NDUFS4: variants seen among roughly 807,000 people sequenced by gnomAD.
The protein encoded by NDUFS4 is NADH dehydrogenase [ubiquinone] iron-sulfur protein 4, mitochondrial.
NDUFS4 carries 28 observed loss-of-function variants against 24.3 expected under a neutral mutation model. That is an observed-to-expected ratio of 1.15 (90% CI 0.85 to 1.58). The LOEUF is 1.58. Among genes scored for constraint, NDUFS4 ranks in the 40% most tolerant of loss-of-function variants. The pLI is 0.00. For missense variants in NDUFS4, 223 were observed against 207.9 expected, an observed-to-expected ratio of 1.07 and a Z score of -0.45; for synonymous variants, 93 against 69.7, an observed-to-expected ratio of 1.34 and a Z score of -1.67.
intron 2 of NDUFS4, among the ~76,000 whole-genome samples, chr5:53,642,673 T>C (rs975476577): frequency 1.1e-4 from 17 of 152,142 alleles, no homozygotes; most frequent in African/African-American, 3.9e-4. Context: ...CATACAGTTT[T>C]AATATGGAAA....
chr5:53,593,396 G>T, intron 1 of NDUFS4, among the ~76,000 whole-genome samples: 1 of 150,302 alleles, frequency 6.7e-6, no homozygotes, highest in Non-Finnish European at 1.5e-5. Flanking sequence ...TTATATATTA[G>T]GGCTTTGTCT....
At chr5:53,621,724 C>T (rs1254110749) in intron 2 of NDUFS4, among the ~76,000 whole-genome samples, 6 of 91,298 alleles carry the variant, frequency 6.6e-5, no homozygotes, top group East Asian at 3.8e-4. Context: ...TTTTTTGAGA[C>T]GGAGTTTCGC....
chr5:53,624,008 C>T (rs552851882), intron 2 of NDUFS4, among the ~76,000 whole-genome samples: 7 of 152,290 alleles, frequency 4.6e-5, no homozygotes, highest in South Asian at 2.1e-4. Flanking sequence ...TGAGCCACCA[C>T]GCCCGGCCCT....
intron 4 of NDUFS4, among the ~76,000 whole-genome samples, chr5:53,668,461 G>A (rs949035546): frequency 5.3e-5 from 8 of 151,448 alleles, no homozygotes; most frequent in African/African-American, 1.7e-4. Flanking sequence ...CTTTTTTTTG[G>A]AGGGGTTCGG....
In NDUFS4 at chr5:53,642,441, T is replaced by G. The variant is rs188248609; in HGVS notation, c.178-3792T>G. Among the ~76,000 whole-genome samples the G allele has an allele frequency of 3.0e-4, 45 of 152,242 alleles. 1 individual carries two copies. Among genetic ancestry groups the G allele is most frequent in the South Asian group, 2.7e-3 (13 of 4,824 alleles). ...GCAGATGACGGACAATGATGAAAAT[T>G]TGATTCTTTGAAGTCATAATAGTCA... is the stretch of plus-strand genomic sequence containing the variant. On this transcript the variant is annotated intron_variant, in intron 2 of 4. Transcript: ENST00000296684.
chr5:53,642,409 T>TCAAC (rs1751731715), intron 2 of NDUFS4, among the ~76,000 whole-genome samples: 1 of 152,074 alleles, frequency 6.6e-6, no homozygotes, highest in Admixed American at 6.6e-5. Context: ...TTTATACAAA[T>TCAAC]CAACCGGCAG....
chr5:53,659,486 A>C (rs2112523146), intron 4 of NDUFS4, among the ~76,000 whole-genome samples: 1 of 152,272 alleles, frequency 6.6e-6, no homozygotes, highest in African/African-American at 2.4e-5. Context: ...TTGATACCTC[A>C]TGAAGTGGGT....
chr5:53,666,178 T>A (rs1215730695), intron 4 of NDUFS4, among the ~76,000 whole-genome samples: 1 of 152,246 alleles, frequency 6.6e-6, no homozygotes, highest in Non-Finnish European at 1.5e-5. Flanking sequence ...TTAATTTTTT[T>A]ATCTTTTCAG....
chr5:53,658,135 G>A (rs986834087), intron 3 of NDUFS4, among the ~76,000 whole-genome samples: 1 of 152,094 alleles, frequency 6.6e-6, no homozygotes, highest in Non-Finnish European at 1.5e-5. Context: ...AGGAGACTCA[G>A]AAGAAGTTAA....
intron 4 of NDUFS4, among the ~76,000 whole-genome samples, chr5:53,660,046 G>T (rs1752286371): frequency 6.6e-6 from 1 of 151,772 alleles, no homozygotes; most frequent in Non-Finnish European, 1.5e-5. Flanking sequence ...TGCACAACAT[G>T]CAGGTTTGCT....
intron 2 of NDUFS4, among the ~76,000 whole-genome samples, chr5:53,641,003 TA>T (rs1329368315): frequency 6.6e-6 from 1 of 152,222 alleles, no homozygotes; most frequent in East Asian, 1.9e-4. Flanking sequence ...GAATGTCCTT[TA>T]AAAAAATGTT....
In NDUFS4 at chr5:53,560,753, C is replaced by G; in HGVS notation, c.91C>G (p.Pro31Ala). The change falls in exon 1 of 5, where the codon CCG becomes GCG. Residue 31 changes from proline to alanine, a missense_variant. Pro to Ala is a conservative substitution (Grantham distance 27). Transcript: ENST00000296684. ...AVAALSVSRV[P>A]TRSLRTSTWR... ...AGCTGCCCTTTCCGTTTCCAGGGTT[C>G]CGACCAGGTAATAGAATTTTCACAC... 1 of 1,614,196 alleles carries G rather than the reference C, an allele frequency of 6.2e-7. No homozygotes were observed. The highest frequency in any genetic ancestry group is 8.5e-7 in the Non-Finnish European group (1 of 1,180,042).
intron 4 of NDUFS4, among the ~76,000 whole-genome samples, chr5:53,671,886 G>A (rs1055569068): frequency 6.2e-4 from 95 of 152,016 alleles, no homozygotes; most frequent in African/African-American, 2.1e-3. Flanking sequence ...TTTACCCCCT[G>A]TGTTTTTCTC....
Position 53,562,131 on chromosome 5 carries a change from C to CT in NDUFS4, c.98+1372dup, listed in dbSNP as rs1311427414. On this transcript the variant is annotated intron_variant, in intron 1 of 4. Transcript: ENST00000296684. ...CAGTTCTCCTGCCGCAGCCTCCTGA[C>CT]TAGCTGGGATTACAGGCGCGCACCA... Among the ~76,000 whole-genome samples, 4 of 152,074 alleles carry CT rather than the reference C, an allele frequency of 2.6e-5. No individual in the cohort carries two copies. In the East Asian group the frequency reaches 7.7e-4, roughly 29 times the overall value.
chr5:53,657,387 A>G (rs1307577838), intron 3 of NDUFS4, among the ~76,000 whole-genome samples: 1 of 152,154 alleles, frequency 6.6e-6, no homozygotes, highest in East Asian at 1.9e-4. Flanking sequence ...CAGAGTAGCA[A>G]CCATGGTCTG....
intron 3 of NDUFS4, among the ~76,000 whole-genome samples, chr5:53,651,031 G>A (rs563401146): frequency 1.2e-4 from 18 of 152,174 alleles, no homozygotes; most frequent in East Asian, 7.7e-4. Context: ...TTTTCAAAAC[G>A]TAGTTTTGCC....
At chr5:53,569,799 T>C (rs901175452) in intron 1 of NDUFS4, among the ~76,000 whole-genome samples, 2 of 152,198 alleles carry the variant, frequency 1.3e-5, no homozygotes, top group Non-Finnish European at 2.9e-5. Context: ...TCTTTATTAA[T>C]GATCAAATTT....
At chr5:53,653,662 C>T (rs1366272944) in intron 3 of NDUFS4, among the ~76,000 whole-genome samples, 1 of 152,018 alleles carries the variant, frequency 6.6e-6, no homozygotes, top group Non-Finnish European at 1.5e-5. Context: ...CCAGTATACC[C>T]GCCCTCCCTC....
chr5:53,584,150 G>A (rs1348569951), intron 1 of NDUFS4, among the ~76,000 whole-genome samples: 2 of 152,130 alleles, frequency 1.3e-5, no homozygotes, highest in Admixed American at 1.3e-4. Flanking sequence ...ATTACCATTT[G>A]CATTCAAACT....
Sources: gnomAD v4.1 joint callset for allele counts (sites outside exome capture counted in the v4.1 genomes callset) on GRCh38, gnomAD v4.1.1 for gene constraint, MANE v1.5 for transcripts, NCBI Gene and HGNC (gene_info 2026-07-23, HGNC 2026-07-21) for gene names.